The following MRPL48 variants were observed in gnomAD, a reference collection of about 807,000 sequenced individuals.
The protein encoded by MRPL48 is mitochondrial ribosomal protein L48.
MRPL48 carries 16 observed loss-of-function variants against 32.9 expected under a neutral mutation model. That is an observed-to-expected ratio of 0.49 (90% confidence interval 0.33 to 0.74). The LOEUF (loss-of-function observed/expected upper bound fraction) is 0.74, where lower values mean the gene tolerates loss of function less well. MRPL48 is among the 30% of genes least tolerant of loss of function. MRPL48 has a pLI of 0.02. For missense variants in MRPL48, 206 were observed against 245.3 expected (o/e 0.84, Z 1.07); for synonymous variants, 94 against 89.2 (o/e 1.05, Z -0.31).
chr11:73,808,408 T>C (rs1040060784), intron 3 of MRPL48, 58 bp downstream of exon 3: 3 of 1,518,192 alleles, frequency 2.0e-6, no homozygotes, highest in African/African-American at 2.7e-5. Flanking sequence ...TAGCACTCTA[T>C]AATAATTTTG....
At chr11:73,823,407 C>T (rs761526392) in intron 3 of MRPL48, among the ~76,000 whole-genome samples, 1 of 152,114 alleles carries the variant, frequency 6.6e-6, no homozygotes, top group Non-Finnish European at 1.5e-5. Context: ...CACACACATA[C>T]ACATGTTATC....
intron 5 of MRPL48, among the ~76,000 whole-genome samples, chr11:73,852,972 G>A (rs1352917803): frequency 6.6e-6 from 1 of 152,172 alleles, no homozygotes. Context: ...AGGTTATTAT[G>A]TTAAGTGAAA....
chr11:73,788,810 G>A (rs1197033293), intron 1 of MRPL48, among the ~76,000 whole-genome samples: 1 of 152,114 alleles, frequency 6.6e-6, no homozygotes, highest in Non-Finnish European at 1.5e-5. Flanking sequence ...CCTTATTTAA[G>A]TGACTGTCAT....
intron 4 of MRPL48, among the ~76,000 whole-genome samples, chr11:73,837,104 T>G (rs898977155): frequency 2.0e-5 from 3 of 152,230 alleles, no homozygotes; most frequent in Admixed American, 2.0e-4. Context: ...TTTTGTTATT[T>G]TCATCACTAG....
chr11:73,824,939 G>A (rs1327513987), intron 3 of MRPL48, among the ~76,000 whole-genome samples: 1 of 152,056 alleles, frequency 6.6e-6, no homozygotes, highest in African/African-American at 2.4e-5. Context: ...AAATATCTAT[G>A]GCTCCTTAAA....
In MRPL48 at chr11:73,805,027, G is replaced by A; in HGVS notation, c.22G>A (p.Val8Met). MSGTLEK[V>M]LCLRNNTIFK... ...TCCTAACATGGCTGTTTTGCTGTAGGTGCTGTGCCTGAGGAACAATACCAT... is the reference window on the plus strand; with the variant it reads ...TCCTAACATGGCTGTTTTGCTGTAGATGCTGTGCCTGAGGAACAATACCAT... The change falls in exon 2 of 8, where the codon GTG becomes ATG. Residue 8 changes from valine to methionine, a missense_variant and splice_region_variant. Physicochemically the swap from Val to Met is conservative, Grantham distance 21 (BLOSUM62 1). Transcript: ENST00000310614. The A allele has an allele frequency of 6.3e-7, 1 of 1,590,060 alleles. No homozygotes were observed. Among genetic ancestry groups the A allele is most frequent in the Non-Finnish European group, 8.6e-7 (1 of 1,167,190 alleles).
chr11:73,800,269 T>A (rs1217701892), intron 1 of MRPL48, among the ~76,000 whole-genome samples: 2 of 151,666 alleles, frequency 1.3e-5, no homozygotes, highest in East Asian at 3.9e-4. Context: ...AAAAGACAAA[T>A]AGTATGCGTA....
intron 5 of MRPL48, among the ~76,000 whole-genome samples, chr11:73,854,811 C>T (rs1948458717): frequency 6.6e-6 from 1 of 152,186 alleles, no homozygotes; most frequent in Admixed American, 6.5e-5. Flanking sequence ...TGAGCACCTA[C>T]TATCAGTGAG....
At chr11:73,831,709 G>C (rs1027875564) in intron 4 of MRPL48, among the ~76,000 whole-genome samples, 2 of 151,940 alleles carry the variant, frequency 1.3e-5, no homozygotes, top group East Asian at 1.9e-4. Context: ...GGGAGGCCGA[G>C]GGGGGAGGAT....
chr11:73,788,013 G>A (rs757874409), intron 1 of MRPL48, 21 bp downstream of exon 1: 2 of 1,612,696 alleles, frequency 1.2e-6, no homozygotes, highest in Non-Finnish European at 1.7e-6. Flanking sequence ...TTCCACGCAC[G>A]CGGGGCGCGG....
intron 5 of MRPL48, among the ~76,000 whole-genome samples, chr11:73,846,644 C>T (rs1399440814): frequency 1.3e-5 from 2 of 151,502 alleles, no homozygotes; most frequent in African/African-American, 2.4e-5. Flanking sequence ...CAGGAGTGAA[C>T]CACTGTGCCC....
chr11:73,855,377 A>G (rs1474009316), intron 5 of MRPL48, among the ~76,000 whole-genome samples: 1 of 147,400 alleles, frequency 6.8e-6, no homozygotes, highest in East Asian at 2.0e-4. Context: ...TTCCCTCCCC[A>G]CCTCCCTCTA....
chr11:73,850,700 G>A (rs565834997), intron 5 of MRPL48: 22 of 194,350 alleles, frequency 1.1e-4, no homozygotes, highest in African/African-American at 2.6e-4. Context: ...TTTTTGAAAC[G>A]GAGTCTCGCT....
Position 73,817,505 on chromosome 11 carries a change from G to A in MRPL48, c.113-8203G>A, listed in dbSNP as rs560821087. Among the ~76,000 whole-genome samples, 8 of 152,192 alleles carry A rather than the reference G, an allele frequency of 5.3e-5. No individual in the cohort carries two copies. In the South Asian group the frequency reaches 6.2e-4, roughly 12 times the overall value. On this transcript the variant is annotated intron_variant, in intron 3 of 7. Coordinates refer to ENST00000310614, the MANE Select transcript of MRPL48 (RefSeq NM_016055.6). ...CCCTTTTTACATACTCATCAACATC[G>A]AGTATTATTTTTAATATTTGCTAAT...
At chr11:73,814,040 CAAAA>C (rs551377481) in intron 3 of MRPL48, among the ~76,000 whole-genome samples, 2 of 62,946 alleles carry the variant, frequency 3.2e-5, no homozygotes. Flanking sequence ...GACTCTGTCT[CAAAA>C]AAAAAAAAAA....
chr11:73,832,905 C>G (rs115126037), intron 4 of MRPL48, among the ~76,000 whole-genome samples: 1 of 152,028 alleles, frequency 6.6e-6, no homozygotes, highest in East Asian at 1.9e-4. Flanking sequence ...CTCAGGTGAA[C>G]GGGACATGGT....
chr11:73,864,177 C>A, intron 7 of MRPL48, 119 bp from the exon 8 acceptor site: 1 of 809,374 alleles, frequency 1.2e-6, no homozygotes. Flanking sequence ...ATAAAAGTTA[C>A]TTGAATCTGA....
chr11:73,829,619 C>T (rs1393176551), intron 4 of MRPL48, among the ~76,000 whole-genome samples: 2 of 152,210 alleles, frequency 1.3e-5, no homozygotes, highest in Admixed American at 1.3e-4. Flanking sequence ...ATCCTCCCAC[C>T]TTGGCCTCCC....
intron 3 of MRPL48, among the ~76,000 whole-genome samples, chr11:73,812,276 A>T: frequency 1.3e-5 from 2 of 152,258 alleles, no homozygotes; most frequent in South Asian, 4.1e-4. Flanking sequence ...ATGAAGATTT[A>T]TATTATGTGT....
Sources: allele counts gnomAD v4.1 joint callset (sites outside exome capture counted in the v4.1 genomes callset), GRCh38; gene constraint gnomAD v4.1.1; transcripts MANE v1.5; gene names NCBI Gene and HGNC (gene_info 2026-07-23, HGNC 2026-07-21).